Variants in ANK3 observed in about 807,000 individuals in gnomAD.
ANK3 encodes ankyrin 3.
ANK3 carries 57 observed loss-of-function variants against 370.9 expected under a neutral mutation model. The ratio of observed to expected loss-of-function variants is 0.15; its 90% CI spans 0.12 to 0.19. The LOEUF is 0.19. ANK3 is among the 10% of genes least tolerant of loss of function. ANK3 has a pLI of 1.00. For synonymous variants in ANK3, 1,929 were observed against 1,946.3 expected (o/e 0.99, Z 0.23); for missense variants, 4,439 against 5,302.1 (o/e 0.84, Z 5.06).
chr10:60,648,439 G>A (rs2078741622), intron 1 of ANK3, among the ~76,000 whole-genome samples: 1 of 146,100 alleles, frequency 6.8e-6, no homozygotes, highest in Admixed American at 6.9e-5. Flanking sequence ...GATTACAGGC[G>A]TGAGCCACCG....
intron 1 of ANK3, among the ~76,000 whole-genome samples, chr10:60,634,636 G>A (rs1034311047): frequency 7.2e-5 from 11 of 152,060 alleles, no homozygotes; most frequent in African/African-American, 2.7e-4. Context: ...CAACCAGCTC[G>A]GGTCCCCTTC....
intron 1 of ANK3, among the ~76,000 whole-genome samples, chr10:60,717,274 G>A (rs1048331358): frequency 1.3e-4 from 10 of 76,692 alleles, no homozygotes; most frequent in African/African-American, 3.3e-4. Context: ...AAAAAATAAA[G>A]GGTGCATAAA....
At position 60,075,330 on chromosome 10, in the gene ANK3, C is replaced by G; in HGVS notation, c.5551G>C (p.Ala1851Pro). The G allele has an allele frequency of 1.2e-6, 2 of 1,614,126 alleles. No individual in the cohort carries two copies. The highest frequency in any genetic ancestry group is 1.7e-6 in the Non-Finnish European group (2 of 1,180,016). Residue 1851 changes from alanine (A) to proline (P), a missense_variant, in exon 37 of 44, where the codon GCC becomes CCC. Ala to Pro is a conservative substitution (Grantham distance 27). Coordinates refer to ENST00000280772, the MANE Select transcript of ANK3 (RefSeq NM_020987.5). ...AATGTTTTAATGGGTGACAGCAAGG[C>G]TGCTGCTGATTTTGTAAATGAATTA... is the stretch of plus-strand genomic sequence containing the variant. ...DSNSFTKSAA[A>P]LLSPIKTLTT...
chr10:60,382,286 T>A (rs2061650272), intron 1 of ANK3, among the ~76,000 whole-genome samples: 1 of 152,078 alleles, frequency 6.6e-6, no homozygotes, highest in South Asian at 2.1e-4. Context: ...ATTAGTAGAC[T>A]TTTTTTCTTC....
intron 2 of ANK3, among the ~76,000 whole-genome samples, chr10:60,584,781 C>T (rs1296134725): frequency 6.6e-6 from 1 of 152,130 alleles, no homozygotes; most frequent in Non-Finnish European, 1.5e-5. Context: ...TTGTCTGAAA[C>T]TCAATGACAT....
intron 28 of ANK3, among the ~76,000 whole-genome samples, chr10:60,102,594 C>T (rs773796832): frequency 5.9e-5 from 9 of 152,160 alleles, no homozygotes; most frequent in Non-Finnish European, 8.8e-5. Context: ...TTCTCTTTCC[C>T]AGGAGTTATT....
At chr10:60,609,265 G>A (rs897940316) in intron 2 of ANK3, among the ~76,000 whole-genome samples, 1 of 152,128 alleles carries the variant, frequency 6.6e-6, no homozygotes, top group African/African-American at 2.4e-5. Flanking sequence ...TTCCTAATGA[G>A]TAACTAGCCA....
At chr10:60,366,679 C>T (rs933593552) in intron 1 of ANK3, among the ~76,000 whole-genome samples, 4 of 152,044 alleles carry the variant, frequency 2.6e-5, no homozygotes, top group African/African-American at 9.7e-5. Flanking sequence ...GAGGAAATCA[C>T]TCAGGATTCA....
At chr10:60,114,471 T>C (rs944300935) in intron 25 of ANK3, 140 bp from the exon 26 acceptor site, 4 of 432,264 alleles carry the variant, frequency 9.3e-6, no homozygotes, top group South Asian at 4.6e-5. Flanking sequence ...TTCTCCTCTA[T>C]AGAAATACAT....
At chr10:60,712,777 G>A (rs2133431170) in intron 1 of ANK3, among the ~76,000 whole-genome samples, 1 of 152,258 alleles carries the variant, frequency 6.6e-6, no homozygotes, top group South Asian at 2.1e-4. Context: ...GATACACCAT[G>A]CTAACATGAA....
intron 1 of ANK3, among the ~76,000 whole-genome samples, chr10:60,627,592 T>A (rs896340693): frequency 3.9e-5 from 6 of 152,070 alleles, no homozygotes; most frequent in Non-Finnish European, 5.9e-5. Context: ...TGCAATTTTT[T>A]AAATCTGAAA....
chr10:60,383,952 A>T (rs1289638854), intron 1 of ANK3, among the ~76,000 whole-genome samples: 1 of 152,172 alleles, frequency 6.6e-6, no homozygotes, highest in African/African-American at 2.4e-5. Context: ...ATTGTGGCTG[A>T]CCTTAAAAGA....
At chr10:60,065,916 G>C (rs1476922237) in intron 38 of ANK3, among the ~76,000 whole-genome samples, 1 of 152,056 alleles carries the variant, frequency 6.6e-6, no homozygotes, top group East Asian at 1.9e-4. Context: ...ACCAAGATCA[G>C]AAAATATTTA....
At chr10:60,140,861 C>T in intron 23 of ANK3, 2 of 988,106 alleles carry the variant, frequency 2.0e-6, no homozygotes, top group Non-Finnish European at 2.4e-6. Context: ...AGGGAGAGAG[C>T]GAAGTGCTAC....
chr10:60,352,203 G>C (rs1184495223), intron 1 of ANK3, among the ~76,000 whole-genome samples: 1 of 152,206 alleles, frequency 6.6e-6, no homozygotes, highest in African/African-American at 2.4e-5. Flanking sequence ...TCTGAGGCAT[G>C]AGAATTGCTT....
At chr10:60,604,367 A>C (rs2078103571) in intron 2 of ANK3, among the ~76,000 whole-genome samples, 1 of 152,212 alleles carries the variant, frequency 6.6e-6, no homozygotes, top group South Asian at 2.1e-4. Flanking sequence ...GCAAGATCAA[A>C]CCAAAATGCC....
intron 1 of ANK3, among the ~76,000 whole-genome samples, chr10:60,335,375 T>C (rs114374544): frequency 6.6e-6 from 1 of 152,154 alleles, no homozygotes; most frequent in African/African-American, 2.4e-5. Flanking sequence ...GATCTCTGCA[T>C]AGTAGAGGGA....
intron 1 of ANK3, among the ~76,000 whole-genome samples, chr10:60,375,377 A>T (rs891624050): frequency 1.3e-5 from 2 of 152,106 alleles, no homozygotes; most frequent in Admixed American, 1.3e-4. Flanking sequence ...TACCAGAATC[A>T]CTAGAACTGA....
chr10:60,128,907 CACA>C (rs1277550530), intron 25 of ANK3, among the ~76,000 whole-genome samples: 1 of 152,164 alleles, frequency 6.6e-6, no homozygotes, highest in Non-Finnish European at 1.5e-5. Context: ...TAATCTGGAT[CACA>C]CACAGTAATG....
Sources: allele counts gnomAD v4.1 joint callset (sites outside exome capture counted in the v4.1 genomes callset), GRCh38; gene constraint gnomAD v4.1.1; transcripts MANE v1.5; gene names NCBI Gene and HGNC (gene_info 2026-07-23, HGNC 2026-07-21).